The following ARB2A variants were observed in gnomAD, a reference collection of about 807,000 sequenced individuals.
The protein encoded by ARB2A is ARB2 cotranscriptional regulator A.
the ARB2A span, among the ~76,000 whole-genome samples, chr5:93,684,207 A>T: frequency 6.6e-6 from 1 of 152,144 alleles, no homozygotes; most frequent in Non-Finnish European, 1.5e-5. Context: ...AAATGAATGT[A>T]TTTGCATGTT....
the ARB2A span, among the ~76,000 whole-genome samples, chr5:94,049,859 C>T: frequency 3.9e-5 from 6 of 152,142 alleles, no homozygotes; most frequent in East Asian, 5.8e-4. Flanking sequence ...ATTAGAATTT[C>T]GCATAAATTT....
the ARB2A span, among the ~76,000 whole-genome samples, chr5:93,759,475 G>A: frequency 9.2e-5 from 14 of 152,174 alleles, no homozygotes; most frequent in East Asian, 1.2e-3. Context: ...TATTCTTGAC[G>A]AACACAGATG....
chr5:93,842,303 T>C, the ARB2A span, among the ~76,000 whole-genome samples: 1 of 152,228 alleles, frequency 6.6e-6, no homozygotes, highest in Non-Finnish European at 1.5e-5. Context: ...CTTGTTTATA[T>C]ATCATCTATG....
At chr5:94,104,336 A>G in the ARB2A span, among the ~76,000 whole-genome samples, 1 of 151,654 alleles carries the variant, frequency 6.6e-6, no homozygotes, top group East Asian at 1.9e-4. Flanking sequence ...AACTGACCCC[A>G]CAGAAATAAA....
the ARB2A span, among the ~76,000 whole-genome samples, chr5:93,732,461 C>A: frequency 1.3e-5 from 2 of 151,936 alleles, no homozygotes; most frequent in East Asian, 1.9e-4. Context: ...GGGTTAACTA[C>A]AGAGGTATAT....
the ARB2A span, among the ~76,000 whole-genome samples, chr5:93,950,521 T>C: frequency 6.6e-6 from 1 of 152,086 alleles, no homozygotes; most frequent in Non-Finnish European, 1.5e-5. Flanking sequence ...TGCATACCTG[T>C]AATCCCAACG....
At chr5:93,760,820 C>T in the ARB2A span, among the ~76,000 whole-genome samples, 1 of 152,070 alleles carries the variant, frequency 6.6e-6, no homozygotes, top group Non-Finnish European at 1.5e-5. Flanking sequence ...CATTGGAAAA[C>T]CCCTTCTAGA....
At chr5:93,771,836 G>C in the ARB2A span, among the ~76,000 whole-genome samples, 2 of 152,188 alleles carry the variant, frequency 1.3e-5, no homozygotes, top group African/African-American at 2.4e-5. Context: ...GGAGAAATAG[G>C]AACACTTTTA....
At chr5:93,631,127 C>T in the ARB2A span, among the ~76,000 whole-genome samples, 101 of 152,080 alleles carry the variant, frequency 6.6e-4, no homozygotes, top group African/African-American at 2.2e-3. Context: ...TCAGGCGATC[C>T]ACCCACCTCA....
At chr5:94,030,851 C>T in the ARB2A span, among the ~76,000 whole-genome samples, 8 of 152,150 alleles carry the variant, frequency 5.3e-5, no homozygotes, top group Middle Eastern at 3.2e-3. Context: ...TGATATAAAA[C>T]GAGGTTGCCT....
the ARB2A span, among the ~76,000 whole-genome samples, chr5:93,929,929 G>C: frequency 6.6e-6 from 1 of 152,174 alleles, no homozygotes; most frequent in East Asian, 1.9e-4. Context: ...GACAGCTGCA[G>C]TCTCAACCTG....
chr5:93,859,526 A>T, the ARB2A span, among the ~76,000 whole-genome samples: 1 of 152,198 alleles, frequency 6.6e-6, no homozygotes, highest in Non-Finnish European at 1.5e-5. Flanking sequence ...CCTATACTAA[A>T]ATTAAGAATG....
chr5:93,699,815 C>T, the ARB2A span, among the ~76,000 whole-genome samples: 11 of 151,358 alleles, frequency 7.3e-5, no homozygotes, highest in African/African-American at 1.9e-4. Context: ...TAGGTAGAAA[C>T]GGCACTAGTA....
At chr5:93,799,177 T>C in the ARB2A span, among the ~76,000 whole-genome samples, 1 of 152,120 alleles carries the variant, frequency 6.6e-6, no homozygotes, top group Admixed American at 6.6e-5. Context: ...CCTGAAAAGA[T>C]AACATTGCAA....
the ARB2A span, among the ~76,000 whole-genome samples, chr5:93,755,824 A>G: frequency 6.6e-6 from 1 of 152,210 alleles, no homozygotes; most frequent in African/African-American, 2.4e-5. Context: ...TTCCACAGGG[A>G]GAAGGAAATC....
chr5:93,740,787 A>G, the ARB2A span: 2 of 1,612,578 alleles, frequency 1.2e-6, no homozygotes, highest in Non-Finnish European at 1.7e-6. Flanking sequence ...TGCTGCGGTT[A>G]TAGAACCAAA....
chr5:93,811,147 T>G, the ARB2A span, among the ~76,000 whole-genome samples: 1 of 152,026 alleles, frequency 6.6e-6, no homozygotes, highest in African/African-American at 2.4e-5. Flanking sequence ...TCAATTCGAT[T>G]TAGTTGGTAT....
chr5:93,676,903 T>C, the ARB2A span, among the ~76,000 whole-genome samples: 28 of 151,624 alleles, frequency 1.8e-4, no homozygotes, highest in South Asian at 2.3e-3. Context: ...GAAAGCAGTA[T>C]GGGTTCTCAA....
the ARB2A span, among the ~76,000 whole-genome samples, chr5:93,847,610 C>T: frequency 9.2e-4 from 140 of 152,216 alleles, no homozygotes; most frequent in African/African-American, 2.9e-3. Context: ...CTTGTTACTA[C>T]TAATTATTAT....
Sources: allele counts gnomAD v4.1 joint callset (sites outside exome capture counted in the v4.1 genomes callset), GRCh38; gene constraint gnomAD v4.1.1; transcripts MANE v1.5; gene names NCBI Gene and HGNC (gene_info 2026-07-23, HGNC 2026-07-21).